The following MGA variants were observed in gnomAD, a reference collection of about 807,000 sequenced individuals.
The protein encoded by MGA is MAX gene-associated protein.
A neutral mutation model predicts 261.1 loss-of-function variants in MGA; 40 were observed. The observed-to-expected ratio is 0.15, with a 90% CI of 0.12 to 0.20. The LOEUF is 0.20. Ranked by LOEUF, MGA falls within the 10% of genes least tolerant of loss-of-function variation. The pLI, the probability that MGA is intolerant of heterozygous loss-of-function variation, is 1.00. For missense variants in MGA, 3,397 were observed against 3,630.5 expected, an observed-to-expected ratio of 0.94 and a Z score of 1.65; for synonymous variants, 1,302 against 1,290.6, an observed-to-expected ratio of 1.01 and a Z score of -0.19.
chr15:41,627,694 A>G (rs2056488821), intron 1 of MGA, among the ~76,000 whole-genome samples: 1 of 152,236 alleles, frequency 6.6e-6, no homozygotes, highest in African/African-American at 2.4e-5. Flanking sequence ...AATAATACAG[A>G]AAAAGGATAG....
At chr15:41,623,865 A>C (rs891356420) in intron 1 of MGA, among the ~76,000 whole-genome samples, 1 of 147,830 alleles carries the variant, frequency 6.8e-6, no homozygotes, top group African/African-American at 2.5e-5. Flanking sequence ...TTCTGGGTTC[A>C]AGCAATTCTC....
intron 2 of MGA, among the ~76,000 whole-genome samples, chr15:41,676,349 A>G (rs565939526): frequency 6.6e-6 from 1 of 152,292 alleles, no homozygotes; most frequent in East Asian, 1.9e-4. Context: ...AACCTGGCTA[A>G]TTTTATGTAG....
intron 1 of MGA, among the ~76,000 whole-genome samples, chr15:41,622,401 CA>C (rs1310891577): frequency 6.6e-6 from 1 of 151,782 alleles, no homozygotes; most frequent in African/African-American, 2.4e-5. Flanking sequence ...GCCACCCCGC[CA>C]AAAAAAACCC....
chr15:41,717,980 A>G (rs1385785759), intron 9 of MGA, among the ~76,000 whole-genome samples: 1 of 151,862 alleles, frequency 6.6e-6, no homozygotes, highest in Non-Finnish European at 1.5e-5. Context: ...ACTTAAAAAA[A>G]GACCAGTCTG....
At chr15:41,692,205 C>T (rs948691470) in intron 2 of MGA, among the ~76,000 whole-genome samples, 4 of 152,188 alleles carry the variant, frequency 2.6e-5, no homozygotes, top group Non-Finnish European at 5.9e-5. Context: ...TCAGCTGTGT[C>T]AAGGGAGGAG....
chr15:41,729,360 T>G lies in MGA; in HGVS notation c.3843+11T>G, dbSNP rs761225408. The G allele has an allele frequency of 2.6e-5, 42 of 1,599,190 alleles. No homozygotes were observed. The highest frequency in any genetic ancestry group is 3.4e-5 in the Non-Finnish European group (40 of 1,173,672). On this transcript the variant is annotated intron_variant, in intron 11 of 23. Transcript: ENST00000219905. ...CATAATAATGCAAAGGTGAGTTTCT[T>G]GTTGCATAAGTTCTTTTTAACTTCT...
intron 5 of MGA, among the ~76,000 whole-genome samples, chr15:41,705,073 T>C (rs1458554132): frequency 6.6e-6 from 1 of 152,212 alleles, no homozygotes; most frequent in Non-Finnish European, 1.5e-5. Flanking sequence ...ACAATATGCT[T>C]TCTATGAATT....
chr15:41,745,356 A>C (rs1265621400), intron 15 of MGA, among the ~76,000 whole-genome samples: 1 of 150,592 alleles, frequency 6.6e-6, no homozygotes, highest in Non-Finnish European at 1.5e-5. Context: ...ATAGAGGTTA[A>C]CCCTATAAAG....
At chr15:41,630,132 A>G (rs905240129) in intron 1 of MGA, among the ~76,000 whole-genome samples, 2 of 151,762 alleles carry the variant, frequency 1.3e-5, no homozygotes, top group African/African-American at 4.8e-5. Flanking sequence ...TCTTTATCAC[A>G]CCTACCGTGC....
At chr15:41,627,246 A>G (rs1175610263) in intron 1 of MGA, among the ~76,000 whole-genome samples, 1 of 152,148 alleles carries the variant, frequency 6.6e-6, no homozygotes, top group Non-Finnish European at 1.5e-5. Context: ...TTATTAACGA[A>G]AGTCCATAGT....
At chr15:41,722,090 A>G (rs1028677647) in intron 9 of MGA, among the ~76,000 whole-genome samples, 13 of 149,334 alleles carry the variant, frequency 8.7e-5, no homozygotes, top group African/African-American at 2.7e-4. Flanking sequence ...TGTATCTTTG[A>G]TTCCATTAAT....
At chr15:41,723,422 A>G (rs1239721042) in intron 9 of MGA, among the ~76,000 whole-genome samples, 1 of 151,942 alleles carries the variant, frequency 6.6e-6, no homozygotes, top group Non-Finnish European at 1.5e-5. Flanking sequence ...ATTTATTTAC[A>G]TATATTTTTG....
intron 13 of MGA, among the ~76,000 whole-genome samples, 196 bp downstream of exon 13, chr15:41,736,894 A>G (rs957973998): frequency 4.6e-5 from 7 of 152,158 alleles, no homozygotes; most frequent in East Asian, 1.9e-4. Flanking sequence ...ACATTTATGA[A>G]CAGAAACGTA....
At chr15:41,685,002 G>C (rs1346911361) in intron 2 of MGA, among the ~76,000 whole-genome samples, 1 of 152,140 alleles carries the variant, frequency 6.6e-6, no homozygotes, top group Non-Finnish European at 1.5e-5. Context: ...TTTATATTAT[G>C]TAACTTATAC....
intron 13 of MGA, 113 bp downstream of exon 13, chr15:41,736,811 A>G (rs1183350490): frequency 2.5e-6 from 3 of 1,196,944 alleles, no homozygotes; most frequent in Non-Finnish European, 2.3e-6. Context: ...TTTCCTGGGA[A>G]CTGGGTGACA....
chr15:41,689,801 A>G (rs1195031231), intron 2 of MGA, among the ~76,000 whole-genome samples: 1 of 152,102 alleles, frequency 6.6e-6, no homozygotes, highest in East Asian at 1.9e-4. Flanking sequence ...CCTGGCCTCA[A>G]GTGATCTGTC....
intron 1 of MGA, among the ~76,000 whole-genome samples, chr15:41,622,516 T>G (rs1342006212): frequency 6.6e-6 from 1 of 152,208 alleles, no homozygotes; most frequent in East Asian, 1.9e-4. Flanking sequence ...CATTCCCATT[T>G]ATACTTTATA....
In MGA at chr15:41,740,213, G is replaced by T. The variant is rs1340639377; in HGVS notation, c.4585+10G>T. 11 of 1,612,980 alleles carry T rather than the reference G, an allele frequency of 6.8e-6. No individual in the cohort carries two copies. The Admixed American group carries it at 1.7e-4, about 24-fold the overall frequency. On this transcript the variant is annotated intron_variant, in intron 14 of 23. Coordinates refer to ENST00000219905, the MANE Select transcript of MGA (RefSeq NM_001164273.2). ...GCAAAACGGCCAATTGGTAAGTTGGGGTGTATGTATGGTTTGGAAAGGCCT... is the reference window on the plus strand; with the variant it reads ...GCAAAACGGCCAATTGGTAAGTTGGTGTGTATGTATGGTTTGGAAAGGCCT...
intron 5 of MGA, among the ~76,000 whole-genome samples, chr15:41,704,728 T>C (rs2060020410): frequency 6.6e-6 from 1 of 152,226 alleles, no homozygotes; most frequent in South Asian, 2.1e-4. Context: ...TTTTCTATTC[T>C]GTGTTTACTA....
Sources: gnomAD v4.1 joint callset for allele counts (sites outside exome capture counted in the v4.1 genomes callset) on GRCh38, gnomAD v4.1.1 for gene constraint, MANE v1.5 for transcripts, NCBI Gene and HGNC (gene_info 2026-07-23, HGNC 2026-07-21) for gene names.